Variants in ADAMTSL1 observed in about 807,000 individuals in gnomAD.
The protein encoded by ADAMTSL1 is ADAMTS-like protein 1.
A neutral mutation model predicts 201.8 loss-of-function variants in ADAMTSL1; 126 were observed. The observed-to-expected ratio is 0.62, with a 90% confidence interval of 0.54 to 0.72. The LOEUF is 0.72. ADAMTSL1 is among the 30% of genes least tolerant of loss of function. The probability of loss-of-function intolerance (pLI) is 0.00; values close to 1 mark genes in which losing one functional copy is unlikely to be tolerated. For missense variants in ADAMTSL1, 2,679 were observed against 2,277.8 expected (o/e 1.18, Z -3.59); for synonymous variants, 1,121 against 903.4 (o/e 1.24, Z -4.32).
intron 2 of ADAMTSL1, among the ~76,000 whole-genome samples, chr9:18,288,708 A>G (rs1054410390): frequency 3.3e-5 from 5 of 152,258 alleles, no homozygotes; most frequent in Admixed American, 2.6e-4. Flanking sequence ...CAGAGGCTAA[A>G]GAAGCCAGCC....
intron 9 of ADAMTSL1, among the ~76,000 whole-genome samples, chr9:18,669,028 C>G (rs951504664): frequency 4.6e-5 from 7 of 152,198 alleles, no homozygotes; most frequent in African/African-American, 1.7e-4. Context: ...CCTGGTGCAG[C>G]CTTCATGCCA....
chr9:17,996,003 G>A (rs751145661), intron 1 of ADAMTSL1, among the ~76,000 whole-genome samples: 3 of 151,932 alleles, frequency 2.0e-5, no homozygotes, highest in Non-Finnish European at 2.9e-5. Context: ...ATCGTGTCTA[G>A]CTCAAAGCAA....
intron 2 of ADAMTSL1, among the ~76,000 whole-genome samples, chr9:18,367,084 CTTT>C (rs974366813): frequency 6.6e-6 from 1 of 152,142 alleles, no homozygotes; most frequent in Admixed American, 6.5e-5. Context: ...CCTTTTTCTT[CTTT>C]AACTCTGTTT....
intron 1 of ADAMTSL1, among the ~76,000 whole-genome samples, chr9:18,022,680 A>G (rs1298812261): frequency 6.6e-6 from 1 of 151,710 alleles, no homozygotes; most frequent in Non-Finnish European, 1.5e-5. Flanking sequence ...ATAAAGCAAA[A>G]GCAATTTTAA....
Position 18,777,577 on chromosome 9 carries a change from G to A in ADAMTSL1, c.3348G>A (p.Gln1116=). The A allele has an allele frequency of 6.2e-7, 1 of 1,610,600 alleles. No homozygotes were observed. Among genetic ancestry groups the A allele is most frequent in the South Asian group, 1.1e-5 (1 of 90,226 alleles). The part of the protein sequence containing the change: ...QEIFRSHLEH[Q]DTLLKPSERR... ...TCTTCCGCAGCCACCTGGAGCACCA[G>A]GACACGCTCCTGAAGCCCTCGGAGC... is the stretch of plus-strand genomic sequence containing the variant. Residue 1116 remains glutamine (Q), a synonymous_variant, in exon 19 of 29, where the codon CAG becomes CAA. Transcript: ENST00000380548.
chr9:18,310,598 A>G (rs1212714099), intron 2 of ADAMTSL1, among the ~76,000 whole-genome samples: 1 of 152,102 alleles, frequency 6.6e-6, no homozygotes, highest in Admixed American at 6.5e-5. Flanking sequence ...CAAATATATG[A>G]AAAAAATGGT....
intron 2 of ADAMTSL1, among the ~76,000 whole-genome samples, chr9:18,172,414 A>G (rs1306601937): frequency 1.3e-5 from 2 of 152,118 alleles, no homozygotes; most frequent in Non-Finnish European, 2.9e-5. Flanking sequence ...GGATTTACAA[A>G]TTAAAATAAC....
intron 2 of ADAMTSL1, among the ~76,000 whole-genome samples, chr9:18,315,055 C>T (rs1372072419): frequency 1.3e-5 from 2 of 151,900 alleles, no homozygotes; most frequent in Admixed American, 1.3e-4. Flanking sequence ...CTCGGCCTCC[C>T]AAAGCAGCCT....
At chr9:18,683,093 C>T (rs1007762276) in intron 12 of ADAMTSL1, among the ~76,000 whole-genome samples, 2 of 152,140 alleles carry the variant, frequency 1.3e-5, no homozygotes, top group Non-Finnish European at 2.9e-5. Flanking sequence ...GCCACAGGTG[C>T]GTCTGACAGG....
intron 2 of ADAMTSL1, among the ~76,000 whole-genome samples, chr9:18,528,254 A>C (rs1437891376): frequency 6.6e-6 from 1 of 152,060 alleles, no homozygotes; most frequent in African/African-American, 2.4e-5. Flanking sequence ...TTACAAAGGT[A>C]AACGTGTGCC....
At chr9:17,912,147 T>C (rs1222331416) in intron 1 of ADAMTSL1, among the ~76,000 whole-genome samples, 1,169 of 54,972 alleles carry the variant, frequency 0.021, 95 homozygotes, top group African/African-American at 0.039. Context: ...AATAAACATA[T>C]GTGTGCATGT....
rs571961721 is a variant in ADAMTSL1, at chr9:18,694,442, G to A, written c.1574+9642G>A. Among the ~76,000 whole-genome samples, 34 of 152,208 alleles carry A rather than the reference G, an allele frequency of 2.2e-4. 1 individual carries two copies. The highest frequency in any genetic ancestry group is 8.2e-4 in the African/African-American group (34 of 41,510). ...AGCCTGTAAAATAAAAAACAAGTTA[G>A]TTACTTCCAGGATACAATGGAGGTA... On this transcript the variant is annotated intron_variant, in intron 13 of 28. Coordinates refer to ENST00000380548, the MANE Select transcript of ADAMTSL1 (RefSeq NM_001040272.6).
intron 1 of ADAMTSL1, among the ~76,000 whole-genome samples, chr9:17,926,094 G>A (rs925286492): frequency 6.6e-6 from 1 of 152,080 alleles, no homozygotes; most frequent in Non-Finnish European, 1.5e-5. Flanking sequence ...TGCGGTCTGT[G>A]ATGTCTACTG....
chr9:18,850,566 G>A (rs1165544327), intron 23 of ADAMTSL1, among the ~76,000 whole-genome samples: 2 of 152,172 alleles, frequency 1.3e-5, no homozygotes, highest in Non-Finnish European at 2.9e-5. Flanking sequence ...AGGAGACAGA[G>A]GACAGGGCAC....
intron 2 of ADAMTSL1, among the ~76,000 whole-genome samples, chr9:18,198,194 A>C (rs555262147): frequency 5.1e-4 from 77 of 152,020 alleles, no homozygotes; most frequent in African/African-American, 1.7e-3. Context: ...GGACATAGGC[A>C]TGGGCAAGGA....
chr9:18,691,288 G>A (rs969102082), intron 13 of ADAMTSL1, among the ~76,000 whole-genome samples: 3 of 152,140 alleles, frequency 2.0e-5, no homozygotes, highest in Non-Finnish European at 4.4e-5. Flanking sequence ...AGAACTAAGT[G>A]ATAAAAGAAT....
chr9:18,292,483 C>T (rs1250691078), intron 2 of ADAMTSL1, among the ~76,000 whole-genome samples: 1 of 152,134 alleles, frequency 6.6e-6, no homozygotes, highest in African/African-American at 2.4e-5. Flanking sequence ...CTGGGTGTGT[C>T]TGTGAGGGTG....
intron 2 of ADAMTSL1, among the ~76,000 whole-genome samples, chr9:18,237,886 A>G (rs1830911091): frequency 6.6e-6 from 1 of 152,264 alleles, no homozygotes; most frequent in Non-Finnish European, 1.5e-5. Flanking sequence ...TTCTCTAAAA[A>G]TCATGATTAT....
rs376466829 is a variant in ADAMTSL1, at chr9:18,503,421, G to GTGTA, written c.64-1407_64-1406insGTAT. Among the ~76,000 whole-genome samples the GTGTA allele has an allele frequency of 4.8e-3, 550 of 114,852 alleles. 8 individuals carry two copies. Among genetic ancestry groups the GTGTA allele is most frequent in the South Asian group, 5.6e-3 (18 of 3,220 alleles). 75.3% of individuals were successfully genotyped at this position (114,852 alleles called of 152,430 possible). A position where few individuals can be genotyped will look rare whatever the true frequency, so the allele number is the denominator to read the frequency against. On this transcript the variant is annotated intron_variant, in intron 1 of 28. Coordinates refer to ENST00000380548, the MANE Select transcript of ADAMTSL1 (RefSeq NM_001040272.6). ...TTAAGGCTGAATAGTATTCCATTGT[G>GTGTA]TATATATATATATATATATACCACA... is the stretch of plus-strand genomic sequence containing the variant.
Sources: allele counts gnomAD v4.1 joint callset (sites outside exome capture counted in the v4.1 genomes callset), GRCh38; gene constraint gnomAD v4.1.1; transcripts MANE v1.5; gene names NCBI Gene and HGNC (gene_info 2026-07-23, HGNC 2026-07-21).